The following STK4 variants were observed in gnomAD, a reference collection of about 807,000 sequenced individuals.
STK4 encodes the protein serine/threonine-protein kinase 4.
STK4 carries 30 observed loss-of-function variants against 64.9 expected under a neutral mutation model. The observed-to-expected ratio is 0.46, with a 90% CI of 0.35 to 0.63. STK4 has a LOEUF of 0.63. STK4 is among the 20% of genes least tolerant of loss of function. STK4 has a pLI of 0.01. For synonymous variants in STK4, 177 were observed against 199.0 expected (o/e 0.89, Z 0.93); for missense variants, 466 against 598.5 (o/e 0.78, Z 2.31).
At chr20:45,021,626 G>A (rs2068249804) in intron 9 of STK4, among the ~76,000 whole-genome samples, 3 of 152,072 alleles carry the variant, frequency 2.0e-5, no homozygotes, top group Admixed American at 6.5e-5. Context: ...ATCTCTAGAC[G>A]ATATCTTTAT....
At chr20:45,004,905 A>G (rs2067910110) in intron 9 of STK4, among the ~76,000 whole-genome samples, 1 of 151,584 alleles carries the variant, frequency 6.6e-6, no homozygotes, top group East Asian at 1.9e-4. Flanking sequence ...AGTAGCTGGG[A>G]TTACAGGTGC....
At chr20:45,010,281 G>A (rs2068021787) in intron 9 of STK4, among the ~76,000 whole-genome samples, 1 of 152,100 alleles carries the variant, frequency 6.6e-6, no homozygotes, top group African/African-American at 2.4e-5. Context: ...TGGGCAGGCT[G>A]GTCTCCAACT....
At chr20:45,030,218 G>C (rs1340401124) in intron 10 of STK4, among the ~76,000 whole-genome samples, 5 of 151,310 alleles carry the variant, frequency 3.3e-5, no homozygotes, top group Non-Finnish European at 7.4e-5. Flanking sequence ...GCACTTCTCT[G>C]CCTCAGCCTC....
rs769031260 is a variant in STK4, at chr20:45,053,079, C to A, written c.1306-21939C>A. ...ATATAATGAGATTTTGTGCTCTTTT[C>A]TTTCAGAAAACTAGCCAAGAACAGC... On this transcript the variant is annotated intron_variant, in intron 10 of 10. Coordinates refer to ENST00000372806, the MANE Select transcript of STK4 (RefSeq NM_006282.5). 34 of 1,608,042 alleles carry A rather than the reference C, an allele frequency of 2.1e-5. No individual in the cohort carries two copies. The South Asian group carries it at 3.6e-4, about 17-fold the overall frequency.
At chr20:44,985,618 C>T (rs905226340) in intron 4 of STK4, among the ~76,000 whole-genome samples, 2 of 152,218 alleles carry the variant, frequency 1.3e-5, no homozygotes, top group Non-Finnish European at 2.9e-5. Flanking sequence ...GCTGAGATTA[C>T]AGGCATGTGC....
chr20:44,987,086 C>T (rs375865231), intron 4 of STK4, 46 bp from the exon 5 acceptor site: 116 of 1,457,036 alleles, frequency 8.0e-5, no homozygotes, highest in Middle Eastern at 2.4e-4. Flanking sequence ...TTTTCTAATG[C>T]GCTGATGTAA....
At chr20:45,034,794 A>G (rs1338084159) in intron 10 of STK4, among the ~76,000 whole-genome samples, 1 of 152,020 alleles carries the variant, frequency 6.6e-6, no homozygotes, top group Non-Finnish European at 1.5e-5. Context: ...GTATATGCCT[A>G]TAATCTCAGC....
At chr20:45,039,459 A>G (rs983982604) in intron 10 of STK4, among the ~76,000 whole-genome samples, 2 of 152,104 alleles carry the variant, frequency 1.3e-5, no homozygotes, top group African/African-American at 4.8e-5. Flanking sequence ...TTTTATCATC[A>G]GCTACAACAC....
At chr20:45,017,595 T>C (rs1317978787) in intron 9 of STK4, among the ~76,000 whole-genome samples, 2 of 152,218 alleles carry the variant, frequency 1.3e-5, no homozygotes, top group Non-Finnish European at 2.9e-5. Context: ...AGTTTGAACC[T>C]GATTCTCTTG....
chr20:44,990,504 G>C (rs1383413306), intron 5 of STK4, among the ~76,000 whole-genome samples: 1 of 151,838 alleles, frequency 6.6e-6, no homozygotes, highest in African/African-American at 2.4e-5. Flanking sequence ...AAGATGATCT[G>C]ACTTGGCTGT....
At chr20:45,064,108 A>G (rs1043673284) in intron 10 of STK4, among the ~76,000 whole-genome samples, 1 of 148,650 alleles carries the variant, frequency 6.7e-6, no homozygotes, top group Non-Finnish European at 1.5e-5. Context: ...GCGCCCGGCC[A>G]AGGGGGGGGG....
At chr20:45,005,923 CTT>C (rs371299330) in intron 9 of STK4, among the ~76,000 whole-genome samples, 31 of 151,694 alleles carry the variant, frequency 2.0e-4, no homozygotes, top group African/African-American at 7.0e-4. Flanking sequence ...CTTATTTTCT[CTT>C]TGTACTTTGA....
chr20:45,046,022 G>T (rs2068688992), intron 10 of STK4, among the ~76,000 whole-genome samples: 1 of 152,034 alleles, frequency 6.6e-6, no homozygotes, highest in Admixed American at 6.5e-5. Flanking sequence ...GGCCGGGCCA[G>T]TCACAAACTC....
At chr20:44,983,162 G>A (rs1195977213) in intron 4 of STK4, among the ~76,000 whole-genome samples, 3 of 152,230 alleles carry the variant, frequency 2.0e-5, no homozygotes, top group African/African-American at 7.2e-5. Context: ...AGAAGCTGTA[G>A]GAGATGAGGT....
chr20:45,012,774 A>G (rs2068072736), intron 9 of STK4, among the ~76,000 whole-genome samples: 1 of 147,080 alleles, frequency 6.8e-6, no homozygotes, highest in Non-Finnish European at 1.5e-5. Context: ...TGATCTTTAT[A>G]TATAATCTTC....
intron 10 of STK4, among the ~76,000 whole-genome samples, chr20:45,056,381 G>A (rs1388423549): frequency 6.6e-6 from 1 of 152,142 alleles, no homozygotes; most frequent in Non-Finnish European, 1.5e-5. Flanking sequence ...CATTCACTTA[G>A]CATACTGTTC....
intron 10 of STK4, among the ~76,000 whole-genome samples, chr20:45,059,103 G>A (rs1031545790): frequency 6.6e-6 from 1 of 152,098 alleles, no homozygotes; most frequent in Non-Finnish European, 1.5e-5. Flanking sequence ...CAGTCAGAAC[G>A]TTTCTGTTCA....
intron 4 of STK4, among the ~76,000 whole-genome samples, chr20:44,983,183 G>A (rs2067471938): frequency 6.6e-6 from 1 of 152,200 alleles, no homozygotes. Context: ...TTGACAGGTG[G>A]GCAGGGCTAG....
chr20:45,012,673 T>C (rs1030799504), intron 9 of STK4, among the ~76,000 whole-genome samples: 2 of 152,160 alleles, frequency 1.3e-5, no homozygotes, highest in Non-Finnish European at 2.9e-5. Context: ...TGGACTGTTT[T>C]ATTCATTGTA....
Sources: allele counts gnomAD v4.1 joint callset (sites outside exome capture counted in the v4.1 genomes callset), GRCh38; gene constraint gnomAD v4.1.1; transcripts MANE v1.5; gene names NCBI Gene and HGNC (gene_info 2026-07-23, HGNC 2026-07-21).